Variants in SLC37A1 observed in about 807,000 individuals in gnomAD.
SLC37A1 encodes the protein solute carrier family 37 member 1.
SLC37A1 carries 49 observed loss-of-function variants against 75.3 expected under a neutral mutation model. The observed-to-expected ratio is 0.65, with a 90% CI of 0.52 to 0.83. The LOEUF (loss-of-function observed/expected upper bound fraction) is 0.83, where lower values mean the gene tolerates loss of function less well. Ranked by LOEUF, SLC37A1 falls within the 40% of genes least tolerant of loss-of-function variation. SLC37A1 has a pLI of 0.00. For missense variants in SLC37A1, 566 were observed against 695.0 expected (o/e 0.81, Z 2.09); for synonymous variants, 268 against 292.1 (o/e 0.92, Z 0.84).
chr21:42,565,715 T>C (rs1363174033), intron 14 of SLC37A1, 112 bp from the exon 15 acceptor site: 1 of 977,918 alleles, frequency 1.0e-6, no homozygotes, highest in African/African-American at 1.6e-5. Context: ...GTTTCCACTC[T>C]TGGGATGGCT....
upstream of SLC37A1, among the ~76,000 whole-genome samples, chr21:42,513,036 G>A (rs892557857): frequency 5.3e-5 from 8 of 152,212 alleles, no homozygotes; most frequent in Non-Finnish European, 8.8e-5. Flanking sequence ...TTATCCGGGG[G>A]CAGGCTTTTT....
At chr21:42,558,250 A>G (rs192538162) in intron 10 of SLC37A1, among the ~76,000 whole-genome samples, 2 of 152,346 alleles carry the variant, frequency 1.3e-5, no homozygotes, top group African/African-American at 4.8e-5. Context: ...GAACGTCTAG[A>G]CAATCAGAAT....
At chr21:42,520,419 C>G (rs529055909) in intron 2 of SLC37A1, among the ~76,000 whole-genome samples, 1 of 152,210 alleles carries the variant, frequency 6.6e-6, no homozygotes, top group African/African-American at 2.4e-5. Flanking sequence ...TAGAATGTGC[C>G]ACATTTTAAC....
intron 6 of SLC37A1, among the ~76,000 whole-genome samples, chr21:42,541,844 C>T (rs2055290925): frequency 6.6e-6 from 1 of 152,200 alleles, no homozygotes; most frequent in South Asian, 2.1e-4. Context: ...CAGGCTCAAG[C>T]AATCCTCCCA....
intron 3 of SLC37A1, among the ~76,000 whole-genome samples, chr21:42,533,803 G>A (rs889104321): frequency 6.6e-6 from 1 of 152,156 alleles, no homozygotes; most frequent in African/African-American, 2.4e-5. Context: ...ACCGAGGCAG[G>A]GGCAGCAAGT....
intron 2 of SLC37A1, among the ~76,000 whole-genome samples, chr21:42,520,736 A>G (rs1158718002): frequency 3.9e-5 from 6 of 152,120 alleles, no homozygotes; most frequent in Non-Finnish European, 7.4e-5. Flanking sequence ...TTGGTCCGGG[A>G]TCTTGGTTTC....
At chr21:42,572,682 A>C (rs1352867960) in intron 17 of SLC37A1, among the ~76,000 whole-genome samples, 4,147 of 147,390 alleles carry the variant, frequency 0.028, 290 homozygotes, top group African/African-American at 0.098. Context: ...ACACACAAAA[A>C]AAAAAAAAAG....
At chr21:42,555,773 C>T (rs1190202897) in intron 10 of SLC37A1, among the ~76,000 whole-genome samples, 1 of 152,220 alleles carries the variant, frequency 6.6e-6, no homozygotes, top group Non-Finnish European at 1.5e-5. Flanking sequence ...CTAAGAAAGG[C>T]TGTTTACAGA....
chr21:42,534,931 C>A, intron 4 of SLC37A1, 101 bp downstream of exon 4: 2 of 1,439,570 alleles, frequency 1.4e-6, no homozygotes, highest in Non-Finnish European at 1.9e-6. Flanking sequence ...GATGTAACTG[C>A]ATTTCCATGA....
intron 2 of SLC37A1, among the ~76,000 whole-genome samples, chr21:42,503,363 C>T (rs2054357742): frequency 6.6e-6 from 1 of 151,060 alleles, no homozygotes; most frequent in Admixed American, 6.6e-5. Flanking sequence ...GATCCTCCTG[C>T]CTCAGCCTCC....
At chr21:42,543,175 G>C (rs2055324362) in intron 7 of SLC37A1, among the ~76,000 whole-genome samples, 1 of 152,220 alleles carries the variant, frequency 6.6e-6, no homozygotes, top group Non-Finnish European at 1.5e-5. Flanking sequence ...GACTTTCAGG[G>C]AAAGGCCTCT....
At chr21:42,551,457 G>A (rs560606196) in intron 9 of SLC37A1, among the ~76,000 whole-genome samples, 2 of 152,190 alleles carry the variant, frequency 1.3e-5, no homozygotes, top group Non-Finnish European at 2.9e-5. Flanking sequence ...TGGGAAGAAA[G>A]GGGGGATGAC....
chr21:42,539,660 A>G lies in SLC37A1; in HGVS notation c.486+13A>G, dbSNP rs228063. ...CGTGGTAACTCAGGTAAGGGTTTGG[A>G]TCCGTGGCTCACCATGTACGGGGTT... On this transcript the variant is annotated intron_variant, in intron 6 of 19. Coordinates refer to ENST00000352133, the MANE Select transcript of SLC37A1 (RefSeq NM_001320537.2). 0.8 allele frequency: 1,281,635 copies of G among 1,609,524 alleles called. 518,839 individuals carry two copies. Among genetic ancestry groups the G allele is most frequent in the African/African-American group, 0.88 (65,488 of 74,786 alleles).
At chr21:42,535,702 A>T in intron 5 of SLC37A1, 152 bp downstream of exon 5, 1 of 685,210 alleles carries the variant, frequency 1.5e-6, no homozygotes, top group Non-Finnish European at 2.6e-6. Flanking sequence ...AGACGAGGCC[A>T]AGCTTAGGAG....
intron 10 of SLC37A1, among the ~76,000 whole-genome samples, chr21:42,558,654 C>T (rs1482308974): frequency 6.6e-6 from 1 of 152,084 alleles, no homozygotes; most frequent in Non-Finnish European, 1.5e-5. Flanking sequence ...TCTATTTTTT[C>T]TCAATGATGA....
Position 42,514,625 on chromosome 21 carries a change from A to G in SLC37A1, c.-271A>G, listed in dbSNP as rs2146694361. 6.6e-6 allele frequency: 1 copy of G among 152,362 alleles called. No homozygotes were observed. Among genetic ancestry groups the G allele is most frequent in the Non-Finnish European group, 1.5e-5 (1 of 68,048 alleles). 9.4% of individuals were successfully genotyped at this position (152,362 alleles called of 1,614,324 possible). On this transcript the variant is annotated 5_prime_UTR_variant, in exon 1 of 20. An upstream open reading frame in the 5' UTR loses its in-frame stop. Coordinates refer to ENST00000352133, the MANE Select transcript of SLC37A1 (RefSeq NM_001320537.2). The surrounding 1 kb of genome is among the most constrained non-coding windows in gnomAD (Gnocchi z 4.8). ...GTGACAGCGACCTTCTGGGTTTATA[A>G]TAAAGGGCTTGACGCGCCGGAAAGT...
upstream of SLC37A1, among the ~76,000 whole-genome samples, chr21:42,511,620 T>A (rs576618515): frequency 6.6e-6 from 1 of 152,254 alleles, no homozygotes; most frequent in African/African-American, 2.4e-5. Context: ...ACCCTGTGTC[T>A]ACAAAATTTA....
rs228082 is a variant in SLC37A1 at position 42,547,016 on chromosome 21, G to A, written c.731-87G>A. On this transcript the variant is annotated intron_variant, in intron 8 of 19. Coordinates refer to ENST00000352133, the MANE Select transcript of SLC37A1 (RefSeq NM_001320537.2). The surrounding 1 kb of genome is among the most constrained non-coding windows in gnomAD (Gnocchi z 6.1). Reference sequence around the variant, plus strand: ...GTCCAGTTTCACACCCGGTGCTCCCGTGTTGCCCTGTCCTCGGGTTACGTA... The same window carrying A: ...GTCCAGTTTCACACCCGGTGCTCCCATGTTGCCCTGTCCTCGGGTTACGTA... 0.51 allele frequency: 770,303 copies of A among 1,508,776 alleles called. 201,114 individuals are homozygous for A. Among genetic ancestry groups the A allele is most frequent in the Admixed American group, 0.7 (41,739 of 59,670 alleles). 93.5% of individuals were successfully genotyped at this position (1,508,776 alleles called of 1,614,324 possible).
intron 17 of SLC37A1, among the ~76,000 whole-genome samples, 198 bp downstream of exon 17, chr21:42,568,636 GGCGTGTGACTAGCTGT>G (rs1260910784): frequency 6.6e-6 from 1 of 152,192 alleles, no homozygotes; most frequent in Non-Finnish European, 1.5e-5. Context: ...CAGAGAGACG[GGCGTGTGACTAGCTGT>G]GCGTGTCCAG....
Sources: gnomAD v4.1 joint callset for allele counts (sites outside exome capture counted in the v4.1 genomes callset) on GRCh38, gnomAD v4.1.1 for gene constraint, Gnocchi (gnomAD v3.1) non-coding constraint, MANE v1.5 for transcripts, NCBI Gene and HGNC (gene_info 2026-07-23, HGNC 2026-07-21) for gene names.